Variants in NUCB2 observed in about 807,000 individuals in gnomAD.
The protein encoded by NUCB2 is nucleobindin-2.
A neutral mutation model predicts 57.9 loss-of-function variants in NUCB2; 48 were observed. The ratio of observed to expected loss-of-function variants is 0.83; its 90% confidence interval spans 0.66 to 1.05. The LOEUF is 1.05. Among genes scored for constraint, NUCB2 ranks in the 50% least tolerant of loss-of-function variants. The pLI, the probability that NUCB2 is intolerant of heterozygous loss-of-function variation, is 0.00. For synonymous variants in NUCB2, 139 were observed against 152.1 expected (o/e 0.91, Z 0.64); for missense variants, 442 against 476.2 (o/e 0.93, Z 0.67).
At chr11:17,310,509 C>T (rs936093020) in intron 6 of NUCB2, among the ~76,000 whole-genome samples, 4 of 151,922 alleles carry the variant, frequency 2.6e-5, no homozygotes, top group Non-Finnish European at 4.4e-5. Context: ...TGGTGGTGAG[C>T]GCCTGTAATC....
intron 1 of NUCB2, among the ~76,000 whole-genome samples, chr11:17,279,321 T>A (rs1942047227): frequency 6.6e-6 from 1 of 152,190 alleles, no homozygotes; most frequent in African/African-American, 2.4e-5. Context: ...GTATACTTAG[T>A]TAGAATTTCA....
At chr11:17,349,218 C>T (rs988534511) in intron 2 of NUCB2, 2 of 152,226 alleles carry the variant, frequency 1.3e-5, no homozygotes, top group Non-Finnish European at 2.9e-5. Flanking sequence ...CTTAAACCCC[C>T]AGGCTACTCC....
exon 3 of NUCB2, chr11:17,349,884 C>T (rs1375095154): frequency 6.6e-6 from 1 of 152,172 alleles, no homozygotes; most frequent in Non-Finnish European, 1.5e-5. Context: ...TGCAATGTGT[C>T]ATAAAAATGA....
At chr11:17,301,044 C>T (rs1218494521) in intron 4 of NUCB2, among the ~76,000 whole-genome samples, 14 of 137,642 alleles carry the variant, frequency 1.0e-4, no homozygotes, top group African/African-American at 2.4e-4. Context: ...ATGATCTTGG[C>T]GCACTGCAAC....
chr11:17,294,259 G>A (rs1467878921), intron 2 of NUCB2, among the ~76,000 whole-genome samples: 4 of 151,522 alleles, frequency 2.6e-5, no homozygotes, highest in African/African-American at 7.2e-5. Context: ...GAACCCCCTG[G>A]AACCCCCTGT....
At chr11:17,333,698 G>T (rs980438718), downstream of NUCB2, 3 of 152,166 alleles carry the variant, frequency 2.0e-5, no homozygotes, top group African/African-American at 7.2e-5. Flanking sequence ...TTATTTGGCA[G>T]AAAATTCTTA....
intron 4 of NUCB2, among the ~76,000 whole-genome samples, chr11:17,297,308 C>A (rs994749330): frequency 6.6e-6 from 1 of 151,928 alleles, no homozygotes; most frequent in Admixed American, 6.6e-5. Flanking sequence ...GTCAAACAAA[C>A]CTTTTATTTT....
chr11:17,339,777 A>C (rs1952104805), intron 2 of NUCB2, among the ~76,000 whole-genome samples: 1 of 152,018 alleles, frequency 6.6e-6, no homozygotes, highest in Non-Finnish European at 1.5e-5. Context: ...GTTGGTTCCA[A>C]GTCTTTGCTA....
intron 2 of NUCB2, among the ~76,000 whole-genome samples, chr11:17,349,132 C>T (rs1953022672): frequency 6.6e-6 from 1 of 152,188 alleles, no homozygotes; most frequent in Non-Finnish European, 1.5e-5. Flanking sequence ...CTTTTGCCTT[C>T]AAGAACATCA....
intron 1 of NUCB2, among the ~76,000 whole-genome samples, chr11:17,280,137 C>T (rs1204615766): frequency 6.6e-6 from 1 of 151,750 alleles, no homozygotes; most frequent in Non-Finnish European, 1.5e-5. Context: ...ATCTGAAGTA[C>T]AGTATATGTA....
intron 2 of NUCB2, among the ~76,000 whole-genome samples, chr11:17,338,536 T>C (rs932848291): frequency 3.9e-5 from 6 of 152,206 alleles, no homozygotes; most frequent in Admixed American, 3.3e-4. Flanking sequence ...TTTATTATTT[T>C]ATAATTAGTA....
chr11:17,326,631 T>G (rs1462361846), intron 11 of NUCB2, among the ~76,000 whole-genome samples: 4 of 152,218 alleles, frequency 2.6e-5, no homozygotes, highest in African/African-American at 9.6e-5. Flanking sequence ...ACTTTTTATA[T>G]CTTATTTTAT....
At chr11:17,314,527 T>C (rs1341297360) in intron 10 of NUCB2, among the ~76,000 whole-genome samples, 2 of 152,158 alleles carry the variant, frequency 1.3e-5, no homozygotes, top group African/African-American at 4.8e-5. Context: ...TTGGACTTAA[T>C]ATTTCTTTTT....
At chr11:17,285,576 CAA>C (rs1319420352) in intron 2 of NUCB2, among the ~76,000 whole-genome samples, 19 of 109,810 alleles carry the variant, frequency 1.7e-4, no homozygotes, top group Admixed American at 2.9e-4. Context: ...GACACTGTCT[CAA>C]AAAAAAAAAA....
downstream of NUCB2, among the ~76,000 whole-genome samples, chr11:17,336,835 A>G (rs1951858109): frequency 1.3e-5 from 2 of 151,540 alleles, no homozygotes; most frequent in South Asian, 4.2e-4. Context: ...TGTTTACAAC[A>G]GCATTATTTT....
At chr11:17,303,375 A>T (rs1449279986) in intron 5 of NUCB2, among the ~76,000 whole-genome samples, 1 of 152,182 alleles carries the variant, frequency 6.6e-6, no homozygotes, top group Non-Finnish European at 1.5e-5. Flanking sequence ...GGAATATAAG[A>T]TGGACTTAAT....
chr11:17,321,397 C>T (rs1565453792), intron 11 of NUCB2, among the ~76,000 whole-genome samples: 1 of 152,070 alleles, frequency 6.6e-6, no homozygotes. Context: ...ATAATGACCT[C>T]CAGTTCCACC....
intron 1 of NUCB2, among the ~76,000 whole-genome samples, chr11:17,278,170 CTTTTTTT>C (rs35441492): frequency 2.8e-4 from 24 of 85,130 alleles, no homozygotes; most frequent in Non-Finnish European, 4.7e-4. Flanking sequence ...TTTTACCCAT[CTTTTTTT>C]TTTTTTTTTT....
Position 17,310,996 on chromosome 11 carries a change from A to G in NUCB2, c.655A>G (p.Lys219Glu), listed in dbSNP as rs778706692. 6.3e-7 allele frequency: 1 copy of G among 1,577,856 alleles called. No homozygotes were observed. Among genetic ancestry groups the G allele is most frequent in the Admixed American group, 2.1e-5 (1 of 47,828 alleles). Residue 219 changes from lysine to glutamate, a missense_variant, in exon 7 of 14, where the codon AAA becomes GAA. Lys to Glu is a moderately conservative substitution (Grantham distance 56). Coordinates refer to ENST00000529010, the MANE Select transcript of NUCB2 (RefSeq NM_005013.4). ...GAAGAAAAAGCATGAAAATCACCCT[A>G]AAGTTAATCACCCAGTAAGGATTGT... ...EMKKKHENHP[K>E]VNHPGSKDQL...
Sources: allele counts gnomAD v4.1 joint callset (sites outside exome capture counted in the v4.1 genomes callset), GRCh38; gene constraint gnomAD v4.1.1; transcripts MANE v1.5; gene names NCBI Gene and HGNC (gene_info 2026-07-23, HGNC 2026-07-21).